Variants in BRD10 observed in about 807,000 individuals in gnomAD.
BRD10 encodes bromodomain containing 10.
chr9:5,932,651 A>G, the BRD10 span, among the ~76,000 whole-genome samples: 1 of 152,258 alleles, frequency 6.6e-6, no homozygotes, highest in South Asian at 2.1e-4. Context: ...TTTTGGTATG[A>G]AGGTGGGGTC....
At chr9:6,007,900 T>C in the BRD10 span, 37 of 1,364,272 alleles carry the variant, frequency 2.7e-5, no homozygotes, top group African/African-American at 5.4e-4. Context: ...CCCCGCCACA[T>C]CGGGCCTGGC....
At chr9:6,004,738 C>G in the BRD10 span, among the ~76,000 whole-genome samples, 2 of 152,130 alleles carry the variant, frequency 1.3e-5, no homozygotes, top group Non-Finnish European at 2.9e-5. Flanking sequence ...AATCACACTC[C>G]CATGAACACT....
chr9:5,891,489 C>T, the BRD10 span, among the ~76,000 whole-genome samples: 1 of 152,090 alleles, frequency 6.6e-6, no homozygotes, highest in South Asian at 2.1e-4. Flanking sequence ...GTGTCGAAAT[C>T]CCCACTCTTC....
chr9:5,916,843 C>T, the BRD10 span, among the ~76,000 whole-genome samples: 1 of 152,018 alleles, frequency 6.6e-6, no homozygotes, highest in African/African-American at 2.4e-5. Context: ...TTCATGTATG[C>T]CTTTATAGAC....
the BRD10 span, among the ~76,000 whole-genome samples, chr9:5,926,766 C>T: frequency 1.3e-5 from 2 of 152,040 alleles, no homozygotes; most frequent in Admixed American, 6.5e-5. Context: ...CTCCTGACCT[C>T]GTGATCTGCC....
At chr9:5,968,803 G>A in the BRD10 span, 1 of 1,613,846 alleles carries the variant, frequency 6.2e-7, no homozygotes, top group Non-Finnish European at 8.5e-7. Flanking sequence ...CTGCACCACA[G>A]AACTGTGGAA....
the BRD10 span, among the ~76,000 whole-genome samples, chr9:5,989,721 G>T: frequency 6.6e-6 from 1 of 151,980 alleles, no homozygotes; most frequent in African/African-American, 2.4e-5. Context: ...TAGAGACAGG[G>T]TTTCACCATG....
the BRD10 span, among the ~76,000 whole-genome samples, chr9:5,934,863 T>G: frequency 6.6e-6 from 1 of 152,194 alleles, no homozygotes; most frequent in Non-Finnish European, 1.5e-5. Context: ...TATAATAAAC[T>G]GTAACTAAGT....
the BRD10 span, among the ~76,000 whole-genome samples, chr9:5,936,129 G>T: frequency 6.6e-6 from 1 of 152,164 alleles, no homozygotes; most frequent in Admixed American, 6.5e-5. Flanking sequence ...GCAGAGGAAG[G>T]TAAATCACTT....
At chr9:5,983,636 G>A in the BRD10 span, among the ~76,000 whole-genome samples, 1 of 152,078 alleles carries the variant, frequency 6.6e-6, no homozygotes, top group African/African-American at 2.4e-5. Flanking sequence ...ATTAGACACT[G>A]CAGAAGAAAA....
the BRD10 span, among the ~76,000 whole-genome samples, chr9:5,883,462 CTT>C: frequency 3.9e-5 from 4 of 102,408 alleles, no homozygotes; most frequent in East Asian, 3.0e-4. Flanking sequence ...CCTTCTTCTT[CTT>C]TTTTTTTTTT....
chr9:5,892,810 G>A, the BRD10 span, among the ~76,000 whole-genome samples: 2 of 152,106 alleles, frequency 1.3e-5, no homozygotes, highest in African/African-American at 4.8e-5. Flanking sequence ...TTGACTATTG[G>A]GTCTTATCTG....
the BRD10 span, among the ~76,000 whole-genome samples, chr9:5,903,790 T>A: frequency 6.6e-6 from 1 of 152,192 alleles, no homozygotes; most frequent in Non-Finnish European, 1.5e-5. Flanking sequence ...GAAATCTCCT[T>A]CTGAAACTAA....
the BRD10 span, among the ~76,000 whole-genome samples, chr9:5,918,359 G>A: frequency 6.6e-6 from 1 of 152,182 alleles, no homozygotes; most frequent in Non-Finnish European, 1.5e-5. Flanking sequence ...TGAGTATACA[G>A]TTCAGTAGCT....
At chr9:5,938,730 T>G in the BRD10 span, among the ~76,000 whole-genome samples, 6 of 152,148 alleles carry the variant, frequency 3.9e-5, no homozygotes, top group African/African-American at 1.4e-4. Context: ...GTGTAACTAT[T>G]TAAAGGTAGA....
the BRD10 span, among the ~76,000 whole-genome samples, chr9:6,000,245 C>G: frequency 6.6e-6 from 1 of 151,760 alleles, no homozygotes; most frequent in African/African-American, 2.4e-5. Context: ...AGGTGGAAGA[C>G]GATATAACAA....
the BRD10 span, among the ~76,000 whole-genome samples, chr9:5,941,760 G>A: frequency 1.3e-4 from 20 of 152,014 alleles, no homozygotes; most frequent in Admixed American, 1.3e-3. Flanking sequence ...ACATAAAGCT[G>A]CTCTAAAAAA....
At chr9:5,928,157 T>C in the BRD10 span, among the ~76,000 whole-genome samples, 54 of 152,266 alleles carry the variant, frequency 3.5e-4, no homozygotes, top group African/African-American at 1.3e-3. Flanking sequence ...CATTCCTCAC[T>C]TTCTCTCATA....
chr9:5,958,670 A>G, the BRD10 span, among the ~76,000 whole-genome samples: 5 of 152,204 alleles, frequency 3.3e-5, no homozygotes, highest in South Asian at 1.0e-3. Context: ...AGGTACTTCA[A>G]TGCTTTCCTA....
Sources: allele counts gnomAD v4.1 joint callset (sites outside exome capture counted in the v4.1 genomes callset), GRCh38; gene constraint gnomAD v4.1.1; transcripts MANE v1.5; gene names NCBI Gene and HGNC (gene_info 2026-07-23, HGNC 2026-07-21).